The following KCNQ5 variants were observed in gnomAD, a reference collection of about 807,000 sequenced individuals.
The protein encoded by KCNQ5 is potassium voltage-gated channel subfamily Q member 5.
Under a neutral mutation model 98.2 loss-of-function variants are expected in KCNQ5, and 30 were observed. That is an observed-to-expected ratio of 0.31 (90% CI 0.23 to 0.41). KCNQ5 has a LOEUF of 0.41. Among genes scored for constraint, KCNQ5 ranks in the 10% least tolerant of loss-of-function variants. The pLI is 1.00. For synonymous variants in KCNQ5, 458 were observed against 449.4 expected (o/e 1.02, Z -0.24); for missense variants, 835 against 1,182.5 (o/e 0.71, Z 4.31).
intron 1 of KCNQ5, among the ~76,000 whole-genome samples, chr6:72,864,987 A>G (rs1209885778): frequency 6.6e-6 from 1 of 152,210 alleles, no homozygotes; most frequent in African/African-American, 2.4e-5. Context: ...AATATAGTTC[A>G]TGTCTTTCAT....
At chr6:72,998,323 G>C (rs987618493) in intron 1 of KCNQ5, among the ~76,000 whole-genome samples, 9 of 152,226 alleles carry the variant, frequency 5.9e-5, no homozygotes, top group Non-Finnish European at 1.0e-4. Flanking sequence ...TTTATGAAAA[G>C]TCAGAAGCAG....
intron 1 of KCNQ5, among the ~76,000 whole-genome samples, chr6:72,630,142 T>C (rs1428321978): frequency 1.6e-4 from 24 of 152,202 alleles, no homozygotes; most frequent in Admixed American, 1.6e-3. Context: ...TCTATTTCCC[T>C]TTGTTTTGAT....
At chr6:72,871,614 C>T (rs955422733) in intron 1 of KCNQ5, among the ~76,000 whole-genome samples, 4 of 152,188 alleles carry the variant, frequency 2.6e-5, no homozygotes, top group African/African-American at 4.8e-5. Context: ...CTAAATTATA[C>T]TTGTCATATT....
intron 1 of KCNQ5, among the ~76,000 whole-genome samples, chr6:72,883,235 T>C (rs992220462): frequency 2.0e-5 from 3 of 152,172 alleles, no homozygotes; most frequent in Non-Finnish European, 4.4e-5. Flanking sequence ...TTACACTGTT[T>C]CTATCTATTT....
At chr6:73,096,503 T>A (rs988342808) in intron 5 of KCNQ5, among the ~76,000 whole-genome samples, 4 of 152,066 alleles carry the variant, frequency 2.6e-5, no homozygotes, top group Admixed American at 2.0e-4. Context: ...TTCTAAGAGA[T>A]GTGGGGAACG....
chr6:72,738,025 G>A lies in KCNQ5; in HGVS notation c.398+115438G>A, dbSNP rs188036031. On this transcript the variant is annotated intron_variant, in intron 1 of 13. Transcript: ENST00000370398. ...AAAAAATTAGCCGGGCGTGGTGGCG[G>A]GCGCCTGTAGTTCCAACTACTCAGG... Among the ~76,000 whole-genome samples the A allele has an allele frequency of 1.9e-4, 28 of 148,574 alleles. 1 individual carries two copies. In the East Asian group the frequency reaches 5.2e-3, roughly 28 times the overall value.
intron 1 of KCNQ5, among the ~76,000 whole-genome samples, chr6:72,672,300 G>A (rs1254277192): frequency 6.6e-6 from 1 of 151,592 alleles, no homozygotes; most frequent in African/African-American, 2.4e-5. Flanking sequence ...GTTTCGCCAT[G>A]TTGGGCAGAC....
intron 5 of KCNQ5, among the ~76,000 whole-genome samples, chr6:73,088,728 C>T (rs981181353): frequency 6.6e-6 from 1 of 152,182 alleles, no homozygotes; most frequent in Admixed American, 6.5e-5. Context: ...CAAAACTAAA[C>T]TCTTCACCTT....
At chr6:72,943,070 C>A (rs1256376679) in intron 1 of KCNQ5, among the ~76,000 whole-genome samples, 1 of 152,146 alleles carries the variant, frequency 6.6e-6, no homozygotes, top group South Asian at 2.1e-4. Flanking sequence ...AAAACAAACA[C>A]AATTTCTTTT....
chr6:72,856,300 CAA>C (rs1245915471), intron 1 of KCNQ5, among the ~76,000 whole-genome samples: 1 of 151,984 alleles, frequency 6.6e-6, no homozygotes, highest in East Asian at 1.9e-4. Context: ...TTAAAAGGTT[CAA>C]AGATTCCCTA....
chr6:73,116,117 C>A (rs770678391), intron 7 of KCNQ5, among the ~76,000 whole-genome samples: 2 of 151,930 alleles, frequency 1.3e-5, no homozygotes, highest in East Asian at 1.9e-4. Flanking sequence ...TCCAAAAAAA[C>A]CAAAAACTTG....
chr6:72,850,408 C>T (rs1388990346), intron 1 of KCNQ5, among the ~76,000 whole-genome samples: 1 of 152,124 alleles, frequency 6.6e-6, no homozygotes, highest in Non-Finnish European at 1.5e-5. Context: ...CTTTTTAGCT[C>T]TTGCTCTAAG....
rs1582203493 is a variant in KCNQ5, at chr6:73,020,893, C to T, written c.489+16895C>T. Among the ~76,000 whole-genome samples, 5 of 151,776 alleles carry T rather than the reference C, an allele frequency of 3.3e-5. No homozygotes were observed. The East Asian group carries it at 9.7e-4, about 29-fold the overall frequency. On this transcript the variant is annotated intron_variant, in intron 2 of 13. Transcript: ENST00000370398. ...TACATCTCTAGGCTAATTGCTGCAC[C>T]AATTTCCCTTAAAGGTGCCCACACA...
intron 1 of KCNQ5, among the ~76,000 whole-genome samples, chr6:72,884,213 T>C (rs1778762525): frequency 6.6e-6 from 1 of 152,196 alleles, no homozygotes; most frequent in Non-Finnish European, 1.5e-5. Context: ...CTTGTCAATC[T>C]AGGATATAAC....
At chr6:73,054,228 G>A (rs4708016) in intron 3 of KCNQ5, among the ~76,000 whole-genome samples, 104,206 of 152,006 alleles carry the variant, frequency 0.69, 40,263 homozygotes, top group Non-Finnish European at 0.88. Flanking sequence ...GAAAAAGCCC[G>A]GGACCAGAGG....
intron 1 of KCNQ5, among the ~76,000 whole-genome samples, chr6:72,851,056 G>A (rs565719947): frequency 1.4e-4 from 22 of 152,202 alleles, no homozygotes; most frequent in Non-Finnish European, 1.9e-4. Context: ...ATAAAAGGGA[G>A]AAATTTCTCA....
In KCNQ5 at chr6:72,721,243, C is replaced by G. The variant is rs372054582; in HGVS notation, c.398+98656C>G. Among the ~76,000 whole-genome samples the G allele has an allele frequency of 1.1e-4, 16 of 152,274 alleles. No homozygotes were observed. The East Asian group carries it at 2.7e-3, about 26-fold the overall frequency. On this transcript the variant is annotated intron_variant, in intron 1 of 13. Transcript: ENST00000370398. The stretch of plus-strand genomic sequence containing the variant: ...GTAAGTATTCAGTCAGTGAGATGTG[C>G]AGTTCTTGGATGTCTTCTTCCCCTT...
At chr6:72,627,636 G>A (rs1214595245) in intron 1 of KCNQ5, among the ~76,000 whole-genome samples, 4 of 152,172 alleles carry the variant, frequency 2.6e-5, no homozygotes, top group Non-Finnish European at 5.9e-5. Flanking sequence ...TAAGACTTGG[G>A]AAAATGGACC....
rs537140472 is a variant in KCNQ5 at position 72,932,888 on chromosome 6, G to T, written c.399-71020G>T. On this transcript the variant is annotated intron_variant, in intron 1 of 13. Transcript: ENST00000370398. The stretch of plus-strand genomic sequence containing the variant: ...TTGTTAGCATTGTCAGCTTTTCTGT[G>T]CTGTATTTTATACTAAAACTGTTTC... 2.5e-4 allele frequency among the ~76,000 whole-genome samples: 38 copies of T among 152,178 alleles called. No individual in the cohort carries two copies. The South Asian group carries it at 3.7e-3, about 15-fold the overall frequency.
Sources: gnomAD v4.1 joint callset for allele counts (sites outside exome capture counted in the v4.1 genomes callset) on GRCh38, gnomAD v4.1.1 for gene constraint, MANE v1.5 for transcripts, NCBI Gene and HGNC (gene_info 2026-07-23, HGNC 2026-07-21) for gene names.